Variants in SPATS2 observed in about 807,000 individuals in gnomAD.
The protein encoded by SPATS2 is spermatogenesis associated serine rich 2, also known as spermatogenesis-associated serine-rich protein 2.
A neutral mutation model predicts 63.7 loss-of-function variants in SPATS2; 38 were observed. The ratio of observed to expected loss-of-function variants is 0.60; its 90% confidence interval spans 0.46 to 0.78. The LOEUF is 0.78. Among genes scored for constraint, SPATS2 ranks in the 30% least tolerant of loss-of-function variants. The pLI is 0.00. For synonymous variants in SPATS2, 207 were observed against 232.9 expected, an observed-to-expected ratio of 0.89 and a Z score of 1.01; for missense variants, 588 against 666.2, an observed-to-expected ratio of 0.88 and a Z score of 1.29.
At chr12:49,410,076 T>TG (rs1371629213) in intron 2 of SPATS2, among the ~76,000 whole-genome samples, 19 of 151,936 alleles carry the variant, frequency 1.3e-4, no homozygotes, top group Non-Finnish European at 1.9e-4. Flanking sequence ...CATGTTTTTT[T>TG]TTGTTGTTGT....
At chr12:49,515,967 C>T (rs1946831684) in intron 10 of SPATS2, among the ~76,000 whole-genome samples, 1 of 150,684 alleles carries the variant, frequency 6.6e-6, no homozygotes, top group Non-Finnish European at 1.5e-5. Flanking sequence ...TGATAAAACC[C>T]CGTCTCTACT....
chr12:49,451,419 A>G (rs1160031241), intron 2 of SPATS2, among the ~76,000 whole-genome samples: 1 of 152,064 alleles, frequency 6.6e-6, no homozygotes, highest in East Asian at 1.9e-4. Flanking sequence ...CTTTTATGCA[A>G]TTGTTTTCAT....
intron 10 of SPATS2, 95 bp from the exon 11 acceptor site, chr12:49,518,978 G>T: frequency 1.1e-6 from 1 of 913,028 alleles, no homozygotes; most frequent in South Asian, 2.1e-5. Flanking sequence ...CTAAGCCTTT[G>T]GCTGACCAAA....
intron 6 of SPATS2, among the ~76,000 whole-genome samples, chr12:49,493,067 C>T (rs557053750): frequency 1.3e-5 from 2 of 149,462 alleles, no homozygotes; most frequent in South Asian, 2.1e-4. Context: ...CATTGCACTC[C>T]AGCCTGGGCA....
chr12:49,467,047 T>G (rs942350199), intron 3 of SPATS2, among the ~76,000 whole-genome samples: 13 of 92,272 alleles, frequency 1.4e-4, no homozygotes, highest in Middle Eastern at 0.011. Flanking sequence ...GTTCTTTGTT[T>G]TTTTTTTTTT....
At chr12:49,518,667 C>T (rs1315804377) in intron 10 of SPATS2, among the ~76,000 whole-genome samples, 1 of 152,222 alleles carries the variant, frequency 6.6e-6, no homozygotes, top group African/African-American at 2.4e-5. Context: ...TGGATGTGTA[C>T]GTAAGAAATG....
At chr12:49,401,185 A>T (rs1012637028) in intron 2 of SPATS2, among the ~76,000 whole-genome samples, 3 of 151,900 alleles carry the variant, frequency 2.0e-5, no homozygotes, top group African/African-American at 7.3e-5. Context: ...TAATTTTAAA[A>T]TTTTTTGTAG....
intron 2 of SPATS2, among the ~76,000 whole-genome samples, chr12:49,421,463 A>G (rs1944983415): frequency 6.7e-6 from 1 of 148,710 alleles, no homozygotes; most frequent in South Asian, 2.1e-4. Flanking sequence ...CACTGCTACC[A>G]CTTATCTACA....
intron 3 of SPATS2, among the ~76,000 whole-genome samples, chr12:49,483,855 A>G (rs935034250): frequency 4.6e-5 from 7 of 152,228 alleles, no homozygotes; most frequent in Non-Finnish European, 1.0e-4. Context: ...CTAGGTGGTA[A>G]GTATGCACAT....
At chr12:49,399,448 G>A (rs1027000013) in intron 2 of SPATS2, among the ~76,000 whole-genome samples, 18 of 152,238 alleles carry the variant, frequency 1.2e-4, no homozygotes, top group Middle Eastern at 6.8e-3. Context: ...TAGGGGCCAC[G>A]CATAAAGCTG....
intron 2 of SPATS2, among the ~76,000 whole-genome samples, chr12:49,394,121 G>T (rs1398840954): frequency 6.6e-6 from 1 of 152,004 alleles, no homozygotes; most frequent in East Asian, 1.9e-4. Context: ...GCCATAGTGG[G>T]AAAATTGCTT....
At chr12:49,478,934 C>A (rs980246584) in intron 3 of SPATS2, among the ~76,000 whole-genome samples, 3 of 152,018 alleles carry the variant, frequency 2.0e-5, no homozygotes, top group Non-Finnish European at 4.4e-5. Context: ...AGCGGAGACC[C>A]GCAGTGGGTA....
At chr12:49,429,786 C>CTTTT (rs113979672) in intron 2 of SPATS2, among the ~76,000 whole-genome samples, 1 of 126,560 alleles carries the variant, frequency 7.9e-6, no homozygotes, top group African/African-American at 3.0e-5. Context: ...TCTTCTTCTT[C>CTTTT]TTTTTTTTTT....
intron 2 of SPATS2, among the ~76,000 whole-genome samples, chr12:49,393,887 C>T (rs1420243646): frequency 1.3e-5 from 2 of 152,040 alleles, no homozygotes; most frequent in East Asian, 3.8e-4. Context: ...CTATGTTGCC[C>T]AGGCTGGTGG....
chr12:49,473,905 G>A (rs1946078501), intron 3 of SPATS2, among the ~76,000 whole-genome samples: 3 of 152,162 alleles, frequency 2.0e-5, no homozygotes, highest in Admixed American at 6.5e-5. Context: ...GATTGTATTA[G>A]TCCGTTTTCC....
At chr12:49,439,730 G>T (rs1386455602) in intron 2 of SPATS2, among the ~76,000 whole-genome samples, 2 of 152,254 alleles carry the variant, frequency 1.3e-5, no homozygotes, top group South Asian at 2.1e-4. Context: ...TCCCACCTTA[G>T]CAGTCATCCC....
intron 2 of SPATS2, among the ~76,000 whole-genome samples, chr12:49,450,243 T>C (rs1827974645): frequency 6.6e-6 from 1 of 151,916 alleles, no homozygotes; most frequent in South Asian, 2.1e-4. Context: ...TCTTTTTTTT[T>C]TAAATTTTAT....
intron 2 of SPATS2, among the ~76,000 whole-genome samples, chr12:49,417,303 C>A (rs1269835698): frequency 6.6e-6 from 1 of 152,178 alleles, no homozygotes; most frequent in Non-Finnish European, 1.5e-5. Context: ...AATATATGTG[C>A]CTGTTTGTCA....
chr12:49,373,722 C>G (rs543970677), intron 2 of SPATS2, among the ~76,000 whole-genome samples: 1 of 152,288 alleles, frequency 6.6e-6, no homozygotes, highest in African/African-American at 2.4e-5. Flanking sequence ...GTCAGGAGTT[C>G]TAGACCTGCC....
Sources: gnomAD v4.1 joint callset for allele counts (sites outside exome capture counted in the v4.1 genomes callset) on GRCh38, gnomAD v4.1.1 for gene constraint, MANE v1.5 for transcripts, NCBI Gene and HGNC (gene_info 2026-07-23, HGNC 2026-07-21) for gene names.